Variants in JARID2 observed in about 807,000 individuals in gnomAD.
The protein encoded by JARID2 is jumonji and AT-rich interaction domain containing 2.
JARID2 carries 21 observed loss-of-function variants against 125.6 expected under a neutral mutation model. The ratio of observed to expected loss-of-function variants is 0.17; its 90% confidence interval spans 0.12 to 0.24. The LOEUF is 0.24. Among genes scored for constraint, JARID2 ranks in the 10% least tolerant of loss-of-function variants. The pLI, the probability that JARID2 is intolerant of heterozygous loss-of-function variation, is 1.00. For missense variants in JARID2, 1,303 were observed against 1,639.6 expected (o/e 0.79, Z 3.55); for synonymous variants, 736 against 661.6 (o/e 1.11, Z -1.73).
rs1759337372 is a variant in JARID2 at position 15,249,179 on chromosome 6, G to T, written c.45+2595G>T. On this transcript the variant is annotated intron_variant, in intron 1 of 17. Transcript: ENST00000341776. ...AAAGAAATGAAAGTATTCAGGGAAAGCTGTGCTTTGTTGGAGGACCGCGTT... is the reference window on the plus strand; with the variant it reads ...AAAGAAATGAAAGTATTCAGGGAAATCTGTGCTTTGTTGGAGGACCGCGTT... Among the ~76,000 whole-genome samples the T allele has an allele frequency of 2.6e-5, 4 of 152,268 alleles. No homozygotes were observed. The South Asian group carries it at 8.3e-4, about 31-fold the overall frequency.
intron 5 of JARID2, among the ~76,000 whole-genome samples, chr6:15,484,976 A>C (rs1261611189): frequency 6.6e-6 from 1 of 152,232 alleles, no homozygotes; most frequent in East Asian, 1.9e-4. Flanking sequence ...ATCACATTGA[A>C]GTATGACTTC....
chr6:15,277,705 TA>T (rs1760583168), intron 1 of JARID2, among the ~76,000 whole-genome samples: 1 of 150,678 alleles, frequency 6.6e-6, no homozygotes, highest in Non-Finnish European at 1.5e-5. Flanking sequence ...TTCACCTGTT[TA>T]AAAGTAGTTA....
intron 4 of JARID2, among the ~76,000 whole-genome samples, chr6:15,453,338 A>G (rs1007420985): frequency 3.9e-5 from 6 of 152,208 alleles, no homozygotes; most frequent in East Asian, 3.9e-4. Flanking sequence ...TTACAGGTCA[A>G]TTATTTTTTA....
chr6:15,473,083 G>A (rs1050383929), intron 5 of JARID2, among the ~76,000 whole-genome samples: 3 of 152,132 alleles, frequency 2.0e-5, no homozygotes, highest in East Asian at 3.9e-4. Flanking sequence ...ACATGTTCCC[G>A]AAATTGCTGT....
chr6:15,332,540 T>C (rs1431059867), intron 1 of JARID2, among the ~76,000 whole-genome samples: 1 of 152,216 alleles, frequency 6.6e-6, no homozygotes, highest in Admixed American at 6.5e-5. Flanking sequence ...AAGGAATATT[T>C]ATTATAGTGA....
intron 4 of JARID2, among the ~76,000 whole-genome samples, chr6:15,465,169 A>G (rs1047818804): frequency 7.2e-5 from 11 of 152,156 alleles, no homozygotes; most frequent in African/African-American, 1.9e-4. Flanking sequence ...ATTATCGTCT[A>G]TGGGCCGGGC....
chr6:15,469,347 C>CCTG (rs528988745), intron 5 of JARID2, among the ~76,000 whole-genome samples: 5 of 36,126 alleles, frequency 1.4e-4, no homozygotes, highest in Admixed American at 6.7e-4. Flanking sequence ...CTGTCTCTCT[C>CCTG]TCTCTCTCTC....
chr6:15,452,059 G>T lies in JARID2; in HGVS notation c.377G>T (p.Ser126Ile), dbSNP rs781257693. Residue 126 changes from serine to isoleucine, a missense_variant, in exon 4 of 18, where the codon AGC (serine) becomes ATC (isoleucine). By Grantham distance (142) the Ser-to-Ile change is moderately radical. Around this residue, in one of 11 missense-constraint regions of JARID2, gnomAD observed 42 missense variants for 35.7 expected, o/e 1.18. Transcript: ENST00000341776. ...GCTCAGTCTCAGCCGAATAGTCCCAGCACAACTCCAGTAAAGATAGTGGAG... is the reference window on the plus strand; with the variant it reads ...GCTCAGTCTCAGCCGAATAGTCCCATCACAACTCCAGTAAAGATAGTGGAG... ...KFAQSQPNSPSTTPVKIVEPL... is the reference protein window; with the variant it reads ...KFAQSQPNSPITTPVKIVEPL... The T allele has an allele frequency of 6.2e-7, 1 of 1,614,006 alleles. No homozygotes were observed. Among genetic ancestry groups the T allele is most frequent in the Non-Finnish European group, 8.5e-7 (1 of 1,180,004 alleles).
chr6:15,303,053 G>A (rs551175938), intron 1 of JARID2, among the ~76,000 whole-genome samples: 4 of 152,274 alleles, frequency 2.6e-5, no homozygotes, highest in African/African-American at 9.6e-5. Flanking sequence ...GTGAGCAATG[G>A]TTATTAAGTT....
intron 4 of JARID2, among the ~76,000 whole-genome samples, chr6:15,466,222 C>T (rs1768729512): frequency 6.6e-6 from 1 of 152,136 alleles, no homozygotes; most frequent in South Asian, 2.1e-4. Context: ...AAATACATGC[C>T]TGTAACAGCT....
chr6:15,263,803 G>T (rs1010635281), intron 1 of JARID2, among the ~76,000 whole-genome samples: 3 of 152,132 alleles, frequency 2.0e-5, no homozygotes, highest in Non-Finnish European at 4.4e-5. Flanking sequence ...TTGTTGGCCA[G>T]GCTGGTCTCA....
chr6:15,515,293 T>C (rs894520336), intron 16 of JARID2, among the ~76,000 whole-genome samples: 3 of 152,118 alleles, frequency 2.0e-5, no homozygotes, highest in Non-Finnish European at 1.5e-5. Flanking sequence ...ATTATAGGCA[T>C]GGGCCACTGC....
rs1313511666 is a variant in JARID2, at chr6:15,247,868, G to C, written c.45+1284G>C. 3.0e-6 allele frequency: 3 copies of C among 985,410 alleles called. No homozygotes were observed. In the South Asian group the frequency reaches 1.4e-4, roughly 46 times the overall value. The allele number at this position is 985,410 out of a possible 1,614,324, so 61.0% of individuals were successfully genotyped here. Reference sequence around the variant, plus strand: ...AATACATCCGCATTGCAGAGGGCTGGGTAGAATGCAAAGGACTAGTTTAAA... The same window carrying C: ...AATACATCCGCATTGCAGAGGGCTGCGTAGAATGCAAAGGACTAGTTTAAA... On this transcript the variant is annotated intron_variant, in intron 1 of 17. Transcript: ENST00000341776.
At chr6:15,408,095 C>A (rs1186221680) in intron 2 of JARID2, among the ~76,000 whole-genome samples, 1 of 152,084 alleles carries the variant, frequency 6.6e-6, no homozygotes, top group African/African-American at 2.4e-5. Flanking sequence ...GAAACCCCAT[C>A]TCTACAAAAA....
intron 4 of JARID2, among the ~76,000 whole-genome samples, chr6:15,452,678 A>G (rs1767972786): frequency 6.6e-6 from 1 of 152,240 alleles, no homozygotes; most frequent in African/African-American, 2.4e-5. Context: ...TCTAATTGAC[A>G]GTGCAAATAC....
intron 16 of JARID2, among the ~76,000 whole-genome samples, chr6:15,514,709 G>A (rs1164421225): frequency 6.6e-6 from 1 of 152,120 alleles, no homozygotes; most frequent in Non-Finnish European, 1.5e-5. Flanking sequence ...CCTTACCTAA[G>A]GACGCAAATC....
chr6:15,327,552 CGCGT>C (rs1762573703), intron 1 of JARID2, among the ~76,000 whole-genome samples: 1 of 143,206 alleles, frequency 7.0e-6, no homozygotes, highest in South Asian at 2.2e-4. Flanking sequence ...TGTGTGTGTG[CGCGT>C]GTGTGTGCGT....
chr6:15,480,865 T>A (rs2127704897), intron 5 of JARID2, among the ~76,000 whole-genome samples: 1 of 152,236 alleles, frequency 6.6e-6, no homozygotes, highest in Admixed American at 6.5e-5. Context: ...AACCTTGCGA[T>A]CAGTTTCTCA....
chr6:15,356,939 G>A (rs1024280892), intron 1 of JARID2, among the ~76,000 whole-genome samples: 1 of 90,548 alleles, frequency 1.1e-5, no homozygotes, highest in East Asian at 3.5e-4. Flanking sequence ...ACTTGAGCCC[G>A]GGAGGCAGAG....
Sources: allele counts gnomAD v4.1 joint callset (sites outside exome capture counted in the v4.1 genomes callset), GRCh38; gene constraint gnomAD v4.1.1; regional missense constraint gnomAD v4.1.1; transcripts MANE v1.5; gene names NCBI Gene and HGNC (gene_info 2026-07-23, HGNC 2026-07-21).